The following DDX39A variants were observed in gnomAD, a reference collection of about 807,000 sequenced individuals.
DDX39A encodes ATP-dependent RNA helicase DDX39A.
In DDX39A, 13 loss-of-function variants were observed where a neutral mutation model predicts 46.3. The ratio of observed to expected loss-of-function variants is 0.28; its 90% CI spans 0.18 to 0.45. DDX39A has a LOEUF of 0.45. DDX39A is among the 20% of genes least tolerant of loss of function. The pLI is 1.00. For synonymous variants in DDX39A, 234 were observed against 224.6 expected (o/e 1.04, Z -0.38); for missense variants, 352 against 581.8 (o/e 0.61, Z 4.06).
In DDX39A at chr19:14,413,142, G is replaced by A. The variant is rs373471233; in HGVS notation, c.79C>T (p.Pro27Ser). 2.5e-6 allele frequency: 4 copies of A among 1,614,010 alleles called. No individual in the cohort carries two copies. The African/African-American group carries it at 5.3e-5, about 22-fold the overall frequency. ...EEPQAPQEST[P>S]APPKKDIKGS... ...TTGATGTCTTTCTTAGGGGGAGCTG[G>A]TGTGCTCTCTTGAGGAGCCTGGGGC... Residue 27 changes from proline (P) to serine (S), a missense_variant, in exon 2 of 11, where the codon CCA becomes TCA. Physicochemically the swap from Pro to Ser is moderately conservative, Grantham distance 74 (BLOSUM62 -1). Transcript: ENST00000242776.
rs1976953997 is a variant in DDX39A at position 14,419,339 on chromosome 19, G to A, written c.-74C>T. On this transcript the variant is annotated 5_prime_UTR_variant, in exon 1 of 11. Transcript: ENST00000242776. ...ACTTCGGTTTTCCGCCGGGCGCTCA[G>A]ACACGAGTTGCTGCGCTTCCTGCCT... 1.3e-5 allele frequency: 3 copies of A among 223,052 alleles called. No homozygotes were observed. Among genetic ancestry groups the A allele is most frequent in the Non-Finnish European group, 2.8e-5 (3 of 107,258 alleles). 13.8% of individuals were successfully genotyped at this position (223,052 alleles called of 1,614,324 possible).
At position 14,411,540 on chromosome 19, in the gene DDX39A, T is replaced by C; in HGVS notation, c.395A>G (p.Tyr132Cys). 2 of 1,614,160 alleles carry C rather than the reference T, an allele frequency of 1.2e-6. No homozygotes were observed. Among genetic ancestry groups the C allele is most frequent in the Non-Finnish European group, 1.7e-6 (2 of 1,180,022 alleles). ...RELAFQISKE[Y>C]ERFSKYMPSV... The stretch of plus-strand genomic sequence containing the variant: ...GGGCATGTACTTGGAAAAGCGCTCA[T>C]ATTCCTTGCTGATCTGGAAGGCCAG... Residue 132 changes from tyrosine (Y) to cysteine (C), a missense_variant, in exon 4 of 11, where the codon TAT becomes TGT. By Grantham distance (194) the Tyr-to-Cys change is radical. Coordinates refer to ENST00000242776, the MANE Select transcript of DDX39A (RefSeq NM_005804.4). The surrounding 1 kb of genome is among the most constrained non-coding windows in gnomAD (Gnocchi z 4.1).
At position 14,412,712 on chromosome 19, in the gene DDX39A, C is replaced by G. The variant is rs1433835126; in HGVS notation, c.209-34G>C. 7.0e-6 allele frequency: 11 copies of G among 1,579,414 alleles called. No homozygotes were observed. In the African/African-American group the frequency reaches 8.0e-5, roughly 12 times the overall value. On this transcript the variant is annotated intron_variant, in intron 2 of 10. Transcript: ENST00000242776. The surrounding 1 kb of genome is among the most constrained non-coding windows in gnomAD (Gnocchi z 4.4). Reference sequence around the variant, plus strand: ...GAAGCAGAGCGTGAGGGACGAGAACCTGGATGCACCCCCGTGCAGGATCCT... The same window carrying G: ...GAAGCAGAGCGTGAGGGACGAGAACGTGGATGCACCCCCGTGCAGGATCCT...
chr19:14,409,850 G>A lies in DDX39A; in HGVS notation c.756C>T (p.Asp252=), dbSNP rs769379830. ...GGCCGTGCAGCGTGAGCTTGGTCTC[G>A]TCGTCCACAAACACCTCCATGGGCT... ...MQDPMEVFVD[D]ETKLTLHGLQ... Residue 252 remains aspartate (D), a synonymous_variant, in exon 7 of 11, where the codon GAC becomes GAT. Transcript: ENST00000242776. The surrounding 1 kb of genome is among the most constrained non-coding windows in gnomAD (Gnocchi z 8.3). 1.6e-5 allele frequency: 26 copies of A among 1,613,898 alleles called. No individual in the cohort carries two copies. Among genetic ancestry groups the A allele is most frequent in the South Asian group, 3.3e-5 (3 of 91,088 alleles).
Position 14,410,432 on chromosome 19 carries a change from A to T in DDX39A, c.614-98T>A. On this transcript the variant is annotated intron_variant, in intron 5 of 10. Transcript: ENST00000242776. The surrounding 1 kb of genome is among the most constrained non-coding windows in gnomAD (Gnocchi z 4.3). ...AGACCCCTCCCAACCTGTGCCAGGG[A>T]GCCAGTGGCACCGTGACGAGGGCAG... 1 of 1,051,892 alleles carries T rather than the reference A, an allele frequency of 9.5e-7. No individual in the cohort carries two copies. Among genetic ancestry groups the T allele is most frequent in the Non-Finnish European group, 1.5e-6 (1 of 685,798 alleles). 65.2% of individuals were successfully genotyped at this position (1,051,892 alleles called of 1,614,324 possible).
chr19:14,410,917 G>C lies in DDX39A; in HGVS notation c.613+72C>G, dbSNP rs999794081. The stretch of plus-strand genomic sequence containing the variant: ...CCGGCCGCCCATGTAACCCACTCAA[G>C]AGCCTTCCGCCTGCTATGGGGCCCG... On this transcript the variant is annotated intron_variant, in intron 5 of 10. Coordinates refer to ENST00000242776, the MANE Select transcript of DDX39A (RefSeq NM_005804.4). This position sits in a 1 kb window ranked among gnomAD's most constrained non-coding sequence, Gnocchi z 4.3. 2 of 1,415,548 alleles carry C rather than the reference G, an allele frequency of 1.4e-6. No individual in the cohort carries two copies. The highest frequency in any genetic ancestry group is 1.4e-5 in the African/African-American group (1 of 69,158). The allele number at this position is 1,415,548 out of a possible 1,614,324, so 87.7% of individuals were successfully genotyped here.
rs1976544945 is a variant in DDX39A at position 14,410,618 on chromosome 19, C to G, written c.614-284G>C. On this transcript the variant is annotated intron_variant, in intron 5 of 10. Transcript: ENST00000242776. The surrounding 1 kb of genome is among the most constrained non-coding windows in gnomAD (Gnocchi z 4.3). ...CAGGGAGGGGAGCCTGAGGCAGAGACAGCCGCTGGGGTGAGAGCTGCAGCT... is the reference window on the plus strand; with the variant it reads ...CAGGGAGGGGAGCCTGAGGCAGAGAGAGCCGCTGGGGTGAGAGCTGCAGCT... 1.9e-6 allele frequency: 1 copy of G among 529,086 alleles called. No individual in the cohort carries two copies. Among genetic ancestry groups the G allele is most frequent in the South Asian group, 2.0e-5 (1 of 49,402 alleles). 32.8% of individuals were successfully genotyped at this position (529,086 alleles called of 1,614,324 possible).
In DDX39A at chr19:14,412,799, A is replaced by G; in HGVS notation, c.209-121T>C. On this transcript the variant is annotated intron_variant, in intron 2 of 10. Transcript: ENST00000242776. The surrounding 1 kb of genome is among the most constrained non-coding windows in gnomAD (Gnocchi z 4.4). The stretch of plus-strand genomic sequence containing the variant: ...GAAGAGGCCGAGTCCGGACAAGGCC[A>G]CAGACACCTGCAGGGCTGGGGTATC... 2 of 1,401,992 alleles carry G rather than the reference A, an allele frequency of 1.4e-6. No individual in the cohort carries two copies. Among genetic ancestry groups the G allele is most frequent in the Non-Finnish European group, 9.6e-7 (1 of 1,040,368 alleles). 86.8% of individuals were successfully genotyped at this position (1,401,992 alleles called of 1,614,324 possible). A position where few individuals can be genotyped will look rare whatever the true frequency, so the allele number is the denominator to read the frequency against.
At position 14,410,043 on chromosome 19, in the gene DDX39A, A is replaced by C; in HGVS notation, c.733-170T>G. ...CTGGATGTAAGCTCTGGCCCGACTCAGGTGTGGACCAAGCTTGACTCCCAG... is the reference window on the plus strand; with the variant it reads ...CTGGATGTAAGCTCTGGCCCGACTCCGGTGTGGACCAAGCTTGACTCCCAG... On this transcript the variant is annotated intron_variant, in intron 6 of 10. Transcript: ENST00000242776. The surrounding 1 kb of genome is among the most constrained non-coding windows in gnomAD (Gnocchi z 4.3). 1 of 1,069,052 alleles carries C rather than the reference A, an allele frequency of 9.4e-7. No individual in the cohort carries two copies. Among genetic ancestry groups the C allele is most frequent in the Non-Finnish European group, 1.4e-6 (1 of 702,994 alleles). The allele number at this position is 1,069,052 out of a possible 1,614,324, so 66.2% of individuals were successfully genotyped here.
intron 1 of DDX39A, among the ~76,000 whole-genome samples, chr19:14,414,166 G>A (rs2146391790): frequency 6.6e-6 from 1 of 151,864 alleles, no homozygotes; most frequent in African/African-American, 2.4e-5. Context: ...TTTTGGCCTC[G>A]CTGTCACTCA....
At position 14,409,414 on chromosome 19, in the gene DDX39A, C is replaced by A; in HGVS notation, c.1008G>T (p.Gln336His). Reference protein sequence around the residue: ...LSRYQQFKDFQRRILVATNLF... With the variant: ...LSRYQQFKDFHRRILVATNLF... ...GATTGGTGGCCACCAGGATCCGCCG[C>A]TGGAAATCCTTGAACTGCTGATAGC... Residue 336 changes from glutamine to histidine, a missense_variant, in exon 9 of 11, where the codon CAG (glutamine) becomes CAT (histidine). Coordinates refer to ENST00000242776, the MANE Select transcript of DDX39A (RefSeq NM_005804.4). The surrounding 1 kb of genome is among the most constrained non-coding windows in gnomAD (Gnocchi z 8.3). 6.2e-7 allele frequency: 1 copy of A among 1,614,208 alleles called. No homozygotes were observed. Among genetic ancestry groups the A allele is most frequent in the Non-Finnish European group, 8.5e-7 (1 of 1,180,032 alleles).
At position 14,409,892 on chromosome 19, in the gene DDX39A, G is replaced by A; in HGVS notation, c.733-19C>T. On this transcript the variant is annotated intron_variant, in intron 6 of 10. Transcript: ENST00000242776. The surrounding 1 kb of genome is among the most constrained non-coding windows in gnomAD (Gnocchi z 8.3). ...CCATGGGCTGTGTGGGAAGGGAGGTGGGAGGGGCGGGCAGGGATCACCTCT... is the reference window on the plus strand; with the variant it reads ...CCATGGGCTGTGTGGGAAGGGAGGTAGGAGGGGCGGGCAGGGATCACCTCT... The A allele has an allele frequency of 1.2e-6, 2 of 1,612,980 alleles. No homozygotes were observed. The highest frequency in any genetic ancestry group is 2.2e-5 in the East Asian group (1 of 44,862).
chr19:14,409,913 C>T lies in DDX39A; in HGVS notation c.733-40G>A. ...AGGTGGGAGGGGCGGGCAGGGATCA[C>T]CTCTGGGCATCTCGCCTGCCCAGAA... On this transcript the variant is annotated intron_variant, in intron 6 of 10. Coordinates refer to ENST00000242776, the MANE Select transcript of DDX39A (RefSeq NM_005804.4). The surrounding 1 kb of genome is among the most constrained non-coding windows in gnomAD (Gnocchi z 8.3). The T allele has an allele frequency of 6.2e-7, 1 of 1,611,250 alleles. No homozygotes were observed. The highest frequency in any genetic ancestry group is 8.5e-7 in the Non-Finnish European group (1 of 1,179,880).
rs1305221471 is a variant in DDX39A, at chr19:14,409,276, A to C, written c.1119+27T>G. 2 of 1,613,698 alleles carry C rather than the reference A, an allele frequency of 1.2e-6. No individual in the cohort carries two copies. Among genetic ancestry groups the C allele is most frequent in the South Asian group, 2.2e-5 (2 of 91,080 alleles). On this transcript the variant is annotated intron_variant, in intron 9 of 10. Coordinates refer to ENST00000242776, the MANE Select transcript of DDX39A (RefSeq NM_005804.4). This position sits in a 1 kb window ranked among gnomAD's most constrained non-coding sequence, Gnocchi z 8.3. ...GGGGCCCCACCCCACCGCCAGGGGA[A>C]AGCAACATGCCCGTGAGGCTGCTCA...
At chr19:14,415,040 A>C (rs1397195883) in intron 1 of DDX39A, among the ~76,000 whole-genome samples, 1 of 152,042 alleles carries the variant, frequency 6.6e-6, no homozygotes, top group South Asian at 2.1e-4. Context: ...GTAGTCACAG[A>C]CATGTGCAAC....
In DDX39A at chr19:14,412,389, T is replaced by C. The variant is rs751879170; in HGVS notation, c.336+162A>G. ...TGCCACCCAGGCTGGAGTGCAGTGG[T>C]GTGATCATAGCACACTGCAGCCTCG... is the stretch of plus-strand genomic sequence containing the variant. On this transcript the variant is annotated intron_variant, in intron 3 of 10. Transcript: ENST00000242776. This position sits in a 1 kb window ranked among gnomAD's most constrained non-coding sequence, Gnocchi z 4.4. The C allele has an allele frequency of 9.3e-6, 8 of 857,350 alleles. No homozygotes were observed. In the Admixed American group the frequency reaches 1.7e-4, roughly 18 times the overall value. 53.1% of individuals were successfully genotyped at this position (857,350 alleles called of 1,614,324 possible).
rs141278207 is a variant in DDX39A, at chr19:14,409,810, C to T, written c.796G>A (p.Val266Ile). ...LTLHGLQQYYVKLKDSEKNRK... is the reference protein window; with the variant it reads ...LTLHGLQQYYIKLKDSEKNRK... Reference sequence around the variant, plus strand: ...TTCTTCTCACTGTCTTTGAGTTTGACGTAGTACTGCTGCAGGCCGTGCAGC... The same window carrying T: ...TTCTTCTCACTGTCTTTGAGTTTGATGTAGTACTGCTGCAGGCCGTGCAGC... The change falls in exon 7 of 11, where the codon GTC becomes ATC. Residue 266 changes from valine to isoleucine, a missense_variant. This residue lies in a region of DDX39A where 301 missense variants were observed against 469.9 expected (regional missense o/e 0.64). Coordinates refer to ENST00000242776, the MANE Select transcript of DDX39A (RefSeq NM_005804.4). This position sits in a 1 kb window ranked among gnomAD's most constrained non-coding sequence, Gnocchi z 8.3. 30 of 1,614,020 alleles carry T rather than the reference C, an allele frequency of 1.9e-5. No homozygotes were observed. Among genetic ancestry groups the T allele is most frequent in the Middle Eastern group, 1.6e-4 (1 of 6,084 alleles).
intron 1 of DDX39A, chr19:14,419,059 C>G: frequency 2.2e-6 from 1 of 446,874 alleles, no homozygotes; most frequent in South Asian, 1.6e-5. Context: ...GAGCCCCGAG[C>G]ACCGCGCGCC....
In DDX39A at chr19:14,412,780, GC is replaced by G. The variant is rs968692092; in HGVS notation, c.209-103del. The G allele has an allele frequency of 6.8e-7, 1 of 1,478,166 alleles. No homozygotes were observed. Among genetic ancestry groups the G allele is most frequent in the African/African-American group, 1.4e-5 (1 of 71,880 alleles). 91.6% of individuals were successfully genotyped at this position (1,478,166 alleles called of 1,614,324 possible). A position where few individuals can be genotyped will look rare whatever the true frequency, so the allele number is the denominator to read the frequency against. ...CCCACAGTGAGGGCAATCAGAAGAG[GC>G]CGAGTCCGGACAAGGCCACAGACAC... On this transcript the variant is annotated intron_variant, in intron 2 of 10. Transcript: ENST00000242776. This position sits in a 1 kb window ranked among gnomAD's most constrained non-coding sequence, Gnocchi z 4.4.
Sources: allele counts gnomAD v4.1 joint callset (sites outside exome capture counted in the v4.1 genomes callset), GRCh38; gene constraint gnomAD v4.1.1; regional missense constraint gnomAD v4.1.1; non-coding constraint Gnocchi (gnomAD v3.1); transcripts MANE v1.5; gene names NCBI Gene and HGNC (gene_info 2026-07-23, HGNC 2026-07-21).